BABAM1: variants seen among roughly 807,000 people sequenced by gnomAD.
BABAM1 encodes BRISC and BRCA1-A complex member 1.
A neutral mutation model predicts 34.4 loss-of-function variants in BABAM1; 14 were observed. The ratio of observed to expected loss-of-function variants is 0.41; its 90% confidence interval spans 0.27 to 0.64. The LOEUF (loss-of-function observed/expected upper bound fraction) is 0.64. BABAM1 is among the 30% of genes least tolerant of loss of function. BABAM1 has a pLI of 0.34. For missense variants in BABAM1, 393 were observed against 434.0 expected (o/e 0.91, Z 0.84); for synonymous variants, 169 against 165.8 (o/e 1.02, Z -0.15).
At chr19:17,274,916 T>A (rs898990387) in intron 5 of BABAM1, among the ~76,000 whole-genome samples, 53 of 152,150 alleles carry the variant, frequency 3.5e-4, no homozygotes, top group Admixed American at 6.6e-5. Flanking sequence ...AAGGGGACCT[T>A]TTTTTATTTT....
chr19:17,269,147 CT>C, intron 2 of BABAM1, 56 bp downstream of exon 2: 1 of 1,486,332 alleles, frequency 6.7e-7, no homozygotes, highest in East Asian at 2.4e-5. Context: ...AGCATCTTGT[CT>C]TTTGGGATTA....
chr19:17,277,640 C>T (rs2073926128), intron 8 of BABAM1: 1 of 152,308 alleles, frequency 6.6e-6, no homozygotes, highest in African/African-American at 2.4e-5. Flanking sequence ...GGACTACTTA[C>T]TTCTCTGAGC....
At position 17,275,702 on chromosome 19, in the gene BABAM1, CCT is replaced by C. The variant is rs1404547437; in HGVS notation, c.545-98_545-97del. The C allele has an allele frequency of 2.0e-6, 3 of 1,508,678 alleles. No individual in the cohort carries two copies. The East Asian group carries it at 6.8e-5, about 34-fold the overall frequency. 93.5% of individuals were successfully genotyped at this position (1,508,678 alleles called of 1,614,324 possible). A position where few individuals can be genotyped will look rare whatever the true frequency, so the allele number is the denominator to read the frequency against. On this transcript the variant is annotated intron_variant, in intron 5 of 8. Coordinates refer to ENST00000598188, the MANE Select transcript of BABAM1 (RefSeq NM_014173.4). ...CTTGGCCAGGGTCACATGGTGCGTCCCTAGGGGTGCCGGGTCTCCTCTGGTAT... is the reference window on the plus strand; with the variant it reads ...CTTGGCCAGGGTCACATGGTGCGTCCAGGGGTGCCGGGTCTCCTCTGGTAT...
chr19:17,274,379 T>A, intron 5 of BABAM1, 194 bp downstream of exon 5: 1 of 663,460 alleles, frequency 1.5e-6, no homozygotes, highest in Non-Finnish European at 2.5e-6. Context: ...GCCTACCCCA[T>A]GGAGATGCTG....
intron 6 of BABAM1, among the ~76,000 whole-genome samples, chr19:17,276,113 G>A (rs563662886): frequency 6.4e-4 from 98 of 152,232 alleles, no homozygotes; most frequent in African/African-American, 2.2e-3. Context: ...TTGGGAGGCC[G>A]AGGCGGGCAG....
intron 6 of BABAM1, 45 bp from the exon 7 acceptor site, chr19:17,276,450 A>AC (rs749886493): frequency 7.7e-5 from 121 of 1,564,836 alleles, no homozygotes; most frequent in Middle Eastern, 5.0e-4. Flanking sequence ...AGAGGGGCAG[A>AC]CCCCCACAGG....
chr19:17,267,933 G>A (rs2073788060), intron 1 of BABAM1, among the ~76,000 whole-genome samples: 1 of 151,928 alleles, frequency 6.6e-6, no homozygotes, highest in African/African-American at 2.4e-5. Flanking sequence ...CTGGCTTAAG[G>A]AAGAAAAGGA....
chr19:17,268,978 G>A lies in BABAM1; in HGVS notation c.172G>A (p.Ala58Thr). ...RSEGEGEAAS[A>T]DDGSLNTSGA... ...CGAGGGTGAGGGTGAGGCCGCCAGT[G>A]CTGATGATGGGAGCCTCAACACTTC... Residue 58 changes from alanine (A) to threonine (T), a missense_variant, in exon 2 of 9, where the codon GCT becomes ACT. By Grantham distance (58) the Ala-to-Thr change is moderately conservative. Transcript: ENST00000598188. The A allele has an allele frequency of 6.3e-7, 1 of 1,578,936 alleles. No individual in the cohort carries two copies. Among genetic ancestry groups the A allele is most frequent in the Non-Finnish European group, 8.6e-7 (1 of 1,163,374 alleles).
intron 3 of BABAM1, among the ~76,000 whole-genome samples, chr19:17,272,529 C>T (rs1053645412): frequency 4.6e-5 from 7 of 151,890 alleles, no homozygotes; most frequent in Admixed American, 2.0e-4. Context: ...CCTCAGCCTC[C>T]GAGTAGCTGG....
chr19:17,277,908 G>A (rs1247523905), intron 8 of BABAM1, among the ~76,000 whole-genome samples: 1 of 151,206 alleles, frequency 6.6e-6, no homozygotes, highest in East Asian at 2.0e-4. Flanking sequence ...CAGGTGTGGT[G>A]GCTCACACCT....
At chr19:17,276,461 C>T (rs138909874) in intron 6 of BABAM1, 34 bp from the exon 7 acceptor site, 10 of 1,572,870 alleles carry the variant, frequency 6.4e-6, no homozygotes, top group Non-Finnish European at 8.6e-6. Flanking sequence ...CCCCCACAGG[C>T]TGCTCTGACT....
At chr19:17,268,677 C>T in intron 1 of BABAM1, 117 bp from the exon 2 acceptor site, 2 of 1,161,002 alleles carry the variant, frequency 1.7e-6, no homozygotes, top group Non-Finnish European at 2.3e-6. Context: ...GATCCACCTG[C>T]CTCGGCCTCC....
At chr19:17,267,607 C>T (rs1231544300) in intron 1 of BABAM1, 80 bp downstream of exon 1, 2 of 152,296 alleles carry the variant, frequency 1.3e-5, no homozygotes, top group Non-Finnish European at 2.9e-5. Context: ...CTCGCCTTTC[C>T]TGGGGCTTCC....
chr19:17,275,707 G>T, intron 5 of BABAM1, 94 bp from the exon 6 acceptor site: 1 of 1,530,860 alleles, frequency 6.5e-7, no homozygotes, highest in Non-Finnish European at 9.0e-7. Context: ...GCGTCCCTAG[G>T]GGTGCCGGGT....
At chr19:17,270,364 G>T (rs2073825589) in intron 2 of BABAM1, among the ~76,000 whole-genome samples, 2 of 151,248 alleles carry the variant, frequency 1.3e-5, no homozygotes, top group African/African-American at 4.9e-5. Flanking sequence ...GCCTAATTCT[G>T]TCCAGTCCTC....
At chr19:17,275,929 T>A in intron 6 of BABAM1, 104 bp downstream of exon 6, 1 of 1,303,210 alleles carries the variant, frequency 7.7e-7, no homozygotes, top group Non-Finnish European at 1.1e-6. Flanking sequence ...CCTTAAAGCC[T>A]CCTCCCTTCC....
chr19:17,269,042 C>T lies in BABAM1; in HGVS notation c.236C>T (p.Ala79Val). 1 of 1,602,786 alleles carries T rather than the reference C, an allele frequency of 6.2e-7. No individual in the cohort carries two copies. Among genetic ancestry groups the T allele is most frequent in the Non-Finnish European group, 8.5e-7 (1 of 1,175,454 alleles). The change falls in exon 2 of 9, where the codon GCC becomes GTC. Residue 79 changes from alanine (A) to valine (V), a missense_variant. Ala to Val is a moderately conservative substitution (Grantham distance 64). Transcript: ENST00000598188. ...AAGTCCTGGCAGGTGCCCCCGCCAG[C>T]CCCTGAGGTCCAAATTCGGACACCA... ...GPKSWQVPPPAPEVQIRTPRV... is the reference protein window; with the variant it reads ...GPKSWQVPPPVPEVQIRTPRV...
rs145047021 is a variant in BABAM1, at chr19:17,270,460, C to T, written c.286-1137C>T. Among the ~76,000 whole-genome samples the T allele has an allele frequency of 1.3e-3, 195 of 151,784 alleles. 1 individual carries two copies. The highest frequency in any genetic ancestry group is 0.01 in the Middle Eastern group (3 of 294). On this transcript the variant is annotated intron_variant, in intron 2 of 8. Transcript: ENST00000598188. ...AGGACACTTGTCATCAAAACAGGAT[C>T]TTATCTCAAGACCCTTACTTTAATT...
In BABAM1 at chr19:17,275,833, C is replaced by A. The variant is rs758576127; in HGVS notation, c.569+8C>A. The A allele has an allele frequency of 1.2e-6, 2 of 1,613,044 alleles. No individual in the cohort carries two copies. Among genetic ancestry groups the A allele is most frequent in the South Asian group, 1.1e-5 (1 of 91,066 alleles). On this transcript the variant is annotated splice_region_variant and intron_variant, in intron 6 of 8. Transcript: ENST00000598188. ...AGGACTTTTCAGCCTCATGTAAGTC[C>A]CCTGTGGGGAAATTCTTATTCACCT...
Sources: allele counts gnomAD v4.1 joint callset (sites outside exome capture counted in the v4.1 genomes callset), GRCh38; gene constraint gnomAD v4.1.1; transcripts MANE v1.5; gene names NCBI Gene and HGNC (gene_info 2026-07-23, HGNC 2026-07-21).